DENND1A: variants seen among roughly 807,000 people sequenced by gnomAD.
DENND1A encodes the protein DENN domain-containing protein 1A.
A neutral mutation model predicts 113.7 loss-of-function variants in DENND1A; 51 were observed. That is an observed-to-expected ratio of 0.45 (90% CI 0.36 to 0.57). The LOEUF (loss-of-function observed/expected upper bound fraction) is 0.57, where lower values mean the gene tolerates loss of function less well. Among genes scored for constraint, DENND1A ranks in the 20% least tolerant of loss-of-function variants. The probability of loss-of-function intolerance (pLI) is 0.00; values close to 1 mark genes in which losing one functional copy is unlikely to be tolerated. For missense variants in DENND1A, 1,258 were observed against 1,395.9 expected (o/e 0.90, Z 1.57); for synonymous variants, 565 against 570.8 (o/e 0.99, Z 0.14).
intron 13 of DENND1A, among the ~76,000 whole-genome samples, chr9:123,479,211 TGTCTGAGTCTAAA>T (rs1204652819): frequency 1.3e-5 from 2 of 152,176 alleles, no homozygotes; most frequent in Non-Finnish European, 2.9e-5. Flanking sequence ...ACGTGAGACA[TGTCTGAGTCTAAA>T]GTCTGGGTTC....
intron 5 of DENND1A, among the ~76,000 whole-genome samples, chr9:123,734,049 G>A (rs924972533): frequency 6.6e-6 from 1 of 152,114 alleles, no homozygotes; most frequent in African/African-American, 2.4e-5. Flanking sequence ...GTTCACTGTA[G>A]CCTCGAACTC....
chr9:123,635,293 C>T (rs921651952), intron 9 of DENND1A, among the ~76,000 whole-genome samples: 6 of 151,976 alleles, frequency 3.9e-5, no homozygotes, highest in Admixed American at 2.0e-4. Flanking sequence ...GGAAAGAGTG[C>T]GTGTGTGTTG....
At chr9:123,672,407 G>GA (rs543262532) in intron 6 of DENND1A, among the ~76,000 whole-genome samples, 29 of 148,582 alleles carry the variant, frequency 2.0e-4, no homozygotes, top group East Asian at 3.9e-4. Context: ...AGAAATTGTT[G>GA]AAAAAAAAAA....
chr9:123,624,283 C>T (rs1025509995), intron 10 of DENND1A, among the ~76,000 whole-genome samples: 11 of 152,182 alleles, frequency 7.2e-5, no homozygotes, highest in Admixed American at 6.5e-4. Flanking sequence ...CTGGCTCTTA[C>T]CACCAAGGAT....
intron 13 of DENND1A, among the ~76,000 whole-genome samples, chr9:123,506,525 T>G (rs2052950005): frequency 8.1e-6 from 1 of 123,834 alleles, no homozygotes; most frequent in African/African-American, 3.1e-5. Context: ...GAGGTTGCAG[T>G]GAGCCGAGAT....
intron 4 of DENND1A, among the ~76,000 whole-genome samples, chr9:123,765,749 T>C (rs1319934714): frequency 3.9e-5 from 6 of 152,170 alleles, no homozygotes; most frequent in Admixed American, 2.6e-4. Flanking sequence ...AAGTCTTTTT[T>C]TAAGAGACTA....
At chr9:123,516,293 T>C (rs560738149) in intron 13 of DENND1A, among the ~76,000 whole-genome samples, 25 of 152,044 alleles carry the variant, frequency 1.6e-4, no homozygotes, top group African/African-American at 6.0e-4. Flanking sequence ...GGGTGGGGAA[T>C]CCCAGTCCAG....
chr9:123,763,244 T>A (rs1044892840), intron 4 of DENND1A, among the ~76,000 whole-genome samples: 4 of 152,014 alleles, frequency 2.6e-5, no homozygotes, highest in African/African-American at 9.7e-5. Flanking sequence ...AATCTGGAAG[T>A]GATTGCAGTA....
At position 123,521,416 on chromosome 9, in the gene DENND1A, A is replaced by G. The variant is rs542241990; in HGVS notation, c.993+36154T>C. Among the ~76,000 whole-genome samples the G allele has an allele frequency of 1.1e-3, 161 of 152,198 alleles. 7 individuals are homozygous for G. The highest frequency in any genetic ancestry group is 5.1e-4 in the Non-Finnish European group (35 of 68,042). On this transcript the variant is annotated intron_variant, in intron 13 of 23. Coordinates refer to ENST00000394215, the MANE Select transcript of DENND1A (RefSeq NM_001352964.2). ...ACCCCTATTGTTACAACTTTGGGCA[A>G]GTCACTTACCTTCTTTGGGCATCGA...
chr9:123,393,668 G>A (rs1370082012), intron 21 of DENND1A, among the ~76,000 whole-genome samples: 1 of 152,242 alleles, frequency 6.6e-6, no homozygotes, highest in Non-Finnish European at 1.5e-5. Context: ...CAGGATAAGG[G>A]CTAGGACTGT....
At chr9:123,594,857 C>T (rs1474201896) in intron 11 of DENND1A, among the ~76,000 whole-genome samples, 2 of 152,030 alleles carry the variant, frequency 1.3e-5, no homozygotes, top group East Asian at 3.9e-4. Context: ...CTGGTGGCCT[C>T]CTAGGAGGAA....
intron 2 of DENND1A, among the ~76,000 whole-genome samples, chr9:123,845,823 C>T (rs1842541147): frequency 6.6e-6 from 1 of 152,004 alleles, no homozygotes; most frequent in Non-Finnish European, 1.5e-5. Context: ...GCAATGGTTT[C>T]TTAGGTACCA....
chr9:123,579,256 G>C (rs2136603438), intron 12 of DENND1A, among the ~76,000 whole-genome samples: 1 of 152,262 alleles, frequency 6.6e-6, no homozygotes, highest in South Asian at 2.1e-4. Context: ...GTCTTAGAGA[G>C]CTTAAGTAAT....
At chr9:123,601,994 C>T (rs1047951605) in intron 11 of DENND1A, among the ~76,000 whole-genome samples, 1 of 152,244 alleles carries the variant, frequency 6.6e-6, no homozygotes, top group Admixed American at 6.5e-5. Flanking sequence ...TGGGATGGCA[C>T]AGGCATAATC....
chr9:123,523,279 G>A (rs2054540607), intron 13 of DENND1A, among the ~76,000 whole-genome samples: 1 of 152,188 alleles, frequency 6.6e-6, no homozygotes, highest in Non-Finnish European at 1.5e-5. Context: ...ATCCCCAACA[G>A]CATGCCATGT....
chr9:123,563,426 C>T (rs751997365), intron 12 of DENND1A, among the ~76,000 whole-genome samples: 5 of 152,208 alleles, frequency 3.3e-5, no homozygotes, highest in African/African-American at 4.8e-5. Flanking sequence ...AGATTGGCTT[C>T]GCTGGACCTG....
At chr9:123,627,998 C>T (rs948781858) in intron 10 of DENND1A, among the ~76,000 whole-genome samples, 8 of 152,074 alleles carry the variant, frequency 5.3e-5, no homozygotes, top group Non-Finnish European at 4.4e-5. Context: ...CAGCCCTCAA[C>T]AGAGAAGAGA....
chr9:123,425,159 C>G (rs2045616026), intron 19 of DENND1A, among the ~76,000 whole-genome samples: 1 of 152,240 alleles, frequency 6.6e-6, no homozygotes, highest in Non-Finnish European at 1.5e-5. Flanking sequence ...TTTATTTCCC[C>G]TTCCCTGCTG....
intron 4 of DENND1A, among the ~76,000 whole-genome samples, chr9:123,758,967 A>AT (rs1193771431): frequency 6.6e-6 from 1 of 151,766 alleles, no homozygotes; most frequent in Non-Finnish European, 1.5e-5. Flanking sequence ...TGCCCAGCTA[A>AT]TTTTTTTATA....
Sources: allele counts gnomAD v4.1 joint callset (sites outside exome capture counted in the v4.1 genomes callset), GRCh38; gene constraint gnomAD v4.1.1; transcripts MANE v1.5; gene names NCBI Gene and HGNC (gene_info 2026-07-23, HGNC 2026-07-21).